The following SEMA4D variants were observed in gnomAD, a reference collection of about 807,000 sequenced individuals.
SEMA4D encodes semaphorin-4D.
Under a neutral mutation model 74.8 loss-of-function variants are expected in SEMA4D, and 22 were observed. That is an observed-to-expected ratio of 0.29 (90% CI 0.21 to 0.42). The LOEUF is 0.42. SEMA4D is among the 10% of genes least tolerant of loss of function. The probability of loss-of-function intolerance (pLI) is 1.00; values close to 1 mark genes in which losing one functional copy is unlikely to be tolerated. For synonymous variants in SEMA4D, 445 were observed against 463.7 expected, an observed-to-expected ratio of 0.96 and a Z score of 0.52; for missense variants, 937 against 1,118.4, an observed-to-expected ratio of 0.84 and a Z score of 2.31.
At chr9:89,400,782 A>G (rs557208601) in intron 4 of SEMA4D, among the ~76,000 whole-genome samples, 2 of 149,398 alleles carry the variant, frequency 1.3e-5, no homozygotes, top group East Asian at 4.0e-4. Flanking sequence ...GGGTCTCTTT[A>G]TTTTTTTCTT....
chr9:89,409,400 T>C (rs548174051), intron 2 of SEMA4D, among the ~76,000 whole-genome samples: 5 of 152,258 alleles, frequency 3.3e-5, no homozygotes, highest in African/African-American at 9.6e-5. Flanking sequence ...AATGTCCAGA[T>C]ACAGATGTCG....
chr9:89,414,016 G>A (rs1845136644), intron 2 of SEMA4D, among the ~76,000 whole-genome samples: 1 of 152,204 alleles, frequency 6.6e-6, no homozygotes, highest in Admixed American at 6.5e-5. Context: ...TGTAAGGCAG[G>A]AACCATGAAC....
intron 1 of SEMA4D, among the ~76,000 whole-genome samples, chr9:89,481,278 G>A (rs1824642675): frequency 6.6e-6 from 1 of 152,216 alleles, no homozygotes; most frequent in African/African-American, 2.4e-5. Context: ...ACCCCCGAGG[G>A]TCCAGCGAGG....
At chr9:89,429,172 C>A (rs1399497469) in intron 2 of SEMA4D, among the ~76,000 whole-genome samples, 3 of 152,232 alleles carry the variant, frequency 2.0e-5, no homozygotes, top group Non-Finnish European at 4.4e-5. Context: ...TGTAGCCTGG[C>A]TCTCCTAACC....
Position 89,450,659 on chromosome 9 carries a change from G to GAAAAAAAAAAAAAAA in SEMA4D, c.-244+5228_-244+5229insTTTTTTTTTTTTTTT, listed in dbSNP as rs1564832883. 2,213 of 420,340 alleles carry GAAAAAAAAAAAAAAA rather than the reference G, an allele frequency of 5.3e-3. 524 individuals carry two copies. Among genetic ancestry groups the GAAAAAAAAAAAAAAA allele is most frequent in the Non-Finnish European group, 6.6e-3 (1,683 of 253,650 alleles). 26.0% of individuals were successfully genotyped at this position (420,340 alleles called of 1,614,324 possible). A position where few individuals can be genotyped will look rare whatever the true frequency, so the allele number is the denominator to read the frequency against. Reference sequence around the variant, plus strand: ...AGAGTTCTGCAAGTCGAAAAACCCAGGAAAAAAAAAAAAAAAAAAAAAAAA... The same window carrying GAAAAAAAAAAAAAAA: ...AGAGTTCTGCAAGTCGAAAAACCCAGAAAAAAAAAAAAAAAGAAAAAAAAAAAAAAAAAAAAAAAA... On this transcript the variant is annotated intron_variant, in intron 2 of 15. Coordinates refer to ENST00000422704, the MANE Select transcript of SEMA4D (RefSeq NM_001371194.2).
chr9:89,405,666 C>T lies in SEMA4D; in HGVS notation c.-210G>A. On this transcript the variant is annotated 5_prime_UTR_variant, in exon 3 of 16. Coordinates refer to ENST00000422704, the MANE Select transcript of SEMA4D (RefSeq NM_001371194.2). Reference sequence around the variant, plus strand: ...CTCTCACCACCGCAATGTCAAAGCCCACTTGATACTTCTTCAGGGCCTCAG... The same window carrying T: ...CTCTCACCACCGCAATGTCAAAGCCTACTTGATACTTCTTCAGGGCCTCAG... 1 of 1,415,752 alleles carries T rather than the reference C, an allele frequency of 7.1e-7. No individual in the cohort carries two copies. The highest frequency in any genetic ancestry group is 9.2e-7 in the Non-Finnish European group (1 of 1,088,844). The allele number at this position is 1,415,752 out of a possible 1,614,324, so 87.7% of individuals were successfully genotyped here.
intron 2 of SEMA4D, among the ~76,000 whole-genome samples, chr9:89,407,204 C>G (rs1480636584): frequency 2.0e-5 from 3 of 152,210 alleles, no homozygotes; most frequent in African/African-American, 7.2e-5. Context: ...TATCTCCCAG[C>G]TTCTCTGGTG....
rs368907290 is a variant in SEMA4D at position 89,394,239 on chromosome 9, G to C, written c.415-584C>G. On this transcript the variant is annotated intron_variant, in intron 6 of 15. Coordinates refer to ENST00000422704, the MANE Select transcript of SEMA4D (RefSeq NM_001371194.2). ...TGGGGGTCCTCTCTTTACCTGGCCAGAGTGCCCACAGCCACATGAGGAAAA... is the reference window on the plus strand; with the variant it reads ...TGGGGGTCCTCTCTTTACCTGGCCACAGTGCCCACAGCCACATGAGGAAAA... 4.9e-4 allele frequency among the ~76,000 whole-genome samples: 75 copies of C among 152,300 alleles called. 4 individuals carry two copies. The South Asian group carries it at 0.014, about 29-fold the overall frequency.
At chr9:89,440,577 C>T (rs1471221977) in intron 2 of SEMA4D, among the ~76,000 whole-genome samples, 1 of 152,168 alleles carries the variant, frequency 6.6e-6, no homozygotes, top group Non-Finnish European at 1.5e-5. Context: ...CTGGGTAAAG[C>T]GTCCCCTGGT....
chr9:89,458,420 C>T (rs999233700), intron 1 of SEMA4D, among the ~76,000 whole-genome samples: 6 of 152,114 alleles, frequency 3.9e-5, no homozygotes, highest in African/African-American at 9.7e-5. Context: ...ATACATCCTA[C>T]GGAAGGCCAA....
chr9:89,493,727 T>G (rs988289801), intron 1 of SEMA4D, among the ~76,000 whole-genome samples: 3 of 152,240 alleles, frequency 2.0e-5, no homozygotes, highest in African/African-American at 2.4e-5. Flanking sequence ...TAGACTTCTA[T>G]GCAGCACGCA....
chr9:89,382,400 G>T (rs1837317469), intron 13 of SEMA4D, among the ~76,000 whole-genome samples: 1 of 152,192 alleles, frequency 6.6e-6, no homozygotes, highest in Non-Finnish European at 1.5e-5. Flanking sequence ...ATCCTCAGAG[G>T]ATACGCTCGG....
rs760156047 is a variant in SEMA4D at position 89,402,948 on chromosome 9, T to C, written c.175A>G (p.Lys59Glu). The change falls in exon 4 of 16, where the codon AAG becomes GAG. Residue 59 changes from lysine to glutamate, a missense_variant. By Grantham distance (56) the Lys-to-Glu change is moderately conservative. Transcript: ENST00000422704. ...NYSALLLSED[K>E]DTLYIGAREA... ...CGGGCACCTATGTACAAGGTGTCCTTGTCCTCGCTCAGCAGCAAGGCTGAG... is the reference window on the plus strand; with the variant it reads ...CGGGCACCTATGTACAAGGTGTCCTCGTCCTCGCTCAGCAGCAAGGCTGAG... 32 of 1,614,008 alleles carry C rather than the reference T, an allele frequency of 2.0e-5. No homozygotes were observed. In the Admixed American group the frequency reaches 2.8e-4, roughly 14 times the overall value.
At chr9:89,469,382 T>A (rs139213810) in intron 1 of SEMA4D, among the ~76,000 whole-genome samples, 6 of 152,260 alleles carry the variant, frequency 3.9e-5, no homozygotes, top group African/African-American at 1.4e-4. Flanking sequence ...TTACATACAC[T>A]CTCTTCCAGA....
chr9:89,371,424 TG>T (rs1490498024), intron 16 of SEMA4D, among the ~76,000 whole-genome samples: 1 of 74,782 alleles, frequency 1.3e-5, no homozygotes, highest in South Asian at 5.4e-4. Context: ...GGTGTGTGTC[TG>T]GGGTGTGTGT....
intron 17 of SEMA4D, chr9:89,363,580 C>A: frequency 6.2e-7 from 1 of 1,608,690 alleles, no homozygotes; most frequent in Non-Finnish European, 8.5e-7. Flanking sequence ...TTTATGGCAC[C>A]CTTGATGCCC....
rs1839202336 is a variant in SEMA4D, at chr9:89,388,992, G to A, written c.830C>T (p.Ala277Val). The stretch of plus-strand genomic sequence containing the variant: ...GTCTGGCCGGGAGCAGATGAGTCGG[G>A]CTTTCAGGAAGGAGGTCCATTTCTT... ...LQKKWTSFLK[A>V]RLICSRPDSG... is the part of the protein sequence containing the mutation. The change falls in exon 10 of 16, where the codon GCC (alanine) becomes GTC (valine). Residue 277 changes from alanine (A) to valine (V), a missense_variant. Ala to Val is a moderately conservative substitution (Grantham distance 64). Transcript: ENST00000422704. 6.2e-7 allele frequency: 1 copy of A among 1,614,010 alleles called. No individual in the cohort carries two copies.
At position 89,387,642 on chromosome 9, in the gene SEMA4D, C is replaced by G. The variant is rs757178717; in HGVS notation, c.1108-34G>C. 1.6e-5 allele frequency: 26 copies of G among 1,596,146 alleles called. 1 individual carries two copies. Among genetic ancestry groups the G allele is most frequent in the Non-Finnish European group, 2.2e-5 (26 of 1,165,452 alleles). On this transcript the variant is annotated intron_variant, in intron 11 of 15. Transcript: ENST00000422704. ...AGAAAATCCCCGCTGTTAACGTGCT[C>G]GTGTCCCACCACGCAACGGGTGCTT...
In SEMA4D at chr9:89,484,638, T is replaced by C. The variant is rs1825012435; in HGVS notation, c.-310+13281A>G. Among the ~76,000 whole-genome samples, 1 of 150,836 alleles carries C rather than the reference T, an allele frequency of 6.6e-6. No homozygotes were observed. ...TGATGTGCGGTGTATGTATGCAGTA[T>C]ATATGTAGTGTGTGTGTGGTGTGGT... is the stretch of plus-strand genomic sequence containing the variant. On this transcript the variant is annotated intron_variant, in intron 1 of 15. Coordinates refer to ENST00000422704, the MANE Select transcript of SEMA4D (RefSeq NM_001371194.2). The surrounding 1 kb of genome is among the most constrained non-coding windows in gnomAD (Gnocchi z 4.1).
Sources: allele counts gnomAD v4.1 joint callset (sites outside exome capture counted in the v4.1 genomes callset), GRCh38; gene constraint gnomAD v4.1.1; non-coding constraint Gnocchi (gnomAD v3.1); transcripts MANE v1.5; gene names NCBI Gene and HGNC (gene_info 2026-07-23, HGNC 2026-07-21).